The following DSC3 variants were observed in gnomAD, a reference collection of about 807,000 sequenced individuals.
The protein encoded by DSC3 is desmocollin-3.
In DSC3, 97 loss-of-function variants were observed where a neutral mutation model predicts 89.5. The ratio of observed to expected loss-of-function variants is 1.08; its 90% CI spans 0.92 to 1.28. The LOEUF (loss-of-function observed/expected upper bound fraction) is 1.28. Among genes scored for constraint, DSC3 ranks in the 50% most tolerant of loss-of-function variants. The pLI, the probability that DSC3 is intolerant of heterozygous loss-of-function variation, is 0.00. For missense variants in DSC3, 1,199 were observed against 1,085.3 expected, an observed-to-expected ratio of 1.10 and a Z score of -1.47; for synonymous variants, 436 against 384.1, an observed-to-expected ratio of 1.14 and a Z score of -1.58.
chr18:31,013,756 C>T, intron 9 of DSC3, among the ~76,000 whole-genome samples: 1 of 151,984 alleles, frequency 6.6e-6, no homozygotes, highest in East Asian at 1.9e-4. Flanking sequence ...ATATAGTTGG[C>T]AATTATTTTA....
chr18:31,006,816 A>C, intron 12 of DSC3, 91 bp downstream of exon 12: 1 of 1,030,504 alleles, frequency 9.7e-7, no homozygotes, highest in Non-Finnish European at 1.5e-6. Flanking sequence ...ACTCAGTTTT[A>C]CTTCATGCTT....
In DSC3 at chr18:31,008,161, G is replaced by C. The variant is rs755471083; in HGVS notation, c.1521-3C>G. ...TAGGATCATGCAATTTTTTGTACCTGTTAATAAAAAAAAAATAGTCTTTAG... is the reference window on the plus strand; with the variant it reads ...TAGGATCATGCAATTTTTTGTACCTCTTAATAAAAAAAAAATAGTCTTTAG... On this transcript the variant is annotated splice_region_variant and splice_polypyrimidine_tract_variant and intron_variant, in intron 10 of 15. Transcript: ENST00000360428. 35 of 1,606,652 alleles carry C rather than the reference G, an allele frequency of 2.2e-5. No homozygotes were observed. Among genetic ancestry groups the C allele is most frequent in the Non-Finnish European group, 2.8e-5 (33 of 1,176,186 alleles).
rs75868333 is a variant in DSC3, at chr18:31,029,332, G to A, written c.474+177C>T. On this transcript the variant is annotated intron_variant, in intron 4 of 15. Coordinates refer to ENST00000360428, the MANE Select transcript of DSC3 (RefSeq NM_001941.5). ...AATAAAGATCATTCAATGGCTTTAG[G>A]GCCTTTCTCATATTATTAGGTTTTT... Among the ~76,000 whole-genome samples, 1,193 of 152,002 alleles carry A rather than the reference G, an allele frequency of 7.8e-3. 20 individuals are homozygous for A. Among genetic ancestry groups the A allele is most frequent in the African/African-American group, 0.028 (1,153 of 41,482 alleles).
At position 31,042,359 on chromosome 18, in the gene DSC3, A is replaced by G. The variant is rs144388417; in HGVS notation, c.69+233T>C. On this transcript the variant is annotated intron_variant, in intron 1 of 15. Coordinates refer to ENST00000360428, the MANE Select transcript of DSC3 (RefSeq NM_001941.5). ...AGCCTGAGCGCGACTCAGAATTCCA[A>G]CAATCGAACACCTTGTCTCAAAACA... Among the ~76,000 whole-genome samples the G allele has an allele frequency of 3.5e-4, 54 of 152,324 alleles. No homozygotes were observed. In the East Asian group the frequency reaches 9.9e-3, roughly 28 times the overall value.
At chr18:31,034,108 A>G (rs1985894511) in intron 1 of DSC3, among the ~76,000 whole-genome samples, 1 of 152,190 alleles carries the variant, frequency 6.6e-6, no homozygotes, top group African/African-American at 2.4e-5. Context: ...TACAGGCGTG[A>G]GCCACCGCGC....
At position 31,004,302 on chromosome 18, in the gene DSC3, A is replaced by G. The variant is rs115141451; in HGVS notation, c.1953T>C (p.Thr651=). Residue 651 remains threonine, a synonymous_variant, in exon 13 of 16, where the codon ACT becomes ACC. Coordinates refer to ENST00000360428, the MANE Select transcript of DSC3 (RefSeq NM_001941.5). ...AGFQEYTIPI[T]VKDRAGQAAT... is the part of the protein sequence containing the mutation. ...CAGCTTGGCCGGCCCTGTCTTTTAC[A>G]GTAATAGGAATGGTATATTCTTGAA... The G allele has an allele frequency of 2.6e-4, 423 of 1,614,058 alleles. 1 individual carries two copies. Among genetic ancestry groups the G allele is most frequent in the East Asian group, 1.5e-3 (69 of 44,868 alleles).
At chr18:31,041,976 C>T (rs889001912) in intron 1 of DSC3, among the ~76,000 whole-genome samples, 9 of 152,106 alleles carry the variant, frequency 5.9e-5, no homozygotes, top group Admixed American at 3.9e-4. Flanking sequence ...TTTCGCGCCC[C>T]CGGCACATCC....
chr18:30,996,255 T>C (rs1325034808), intron 15 of DSC3, among the ~76,000 whole-genome samples: 1 of 152,176 alleles, frequency 6.6e-6, no homozygotes, highest in Non-Finnish European at 1.5e-5. Context: ...TTTGAGGTGA[T>C]GCATATGTTA....
chr18:31,001,089 GTATATATA>G (rs67608580), intron 14 of DSC3, among the ~76,000 whole-genome samples: 5 of 126,046 alleles, frequency 4.0e-5, no homozygotes, highest in East Asian at 3.0e-4. Flanking sequence ...TTGTGTGTGT[GTATATATA>G]TATATATATA....
chr18:31,024,932 T>C (rs1985547800), intron 5 of DSC3, among the ~76,000 whole-genome samples: 1 of 152,152 alleles, frequency 6.6e-6, no homozygotes, highest in Admixed American at 6.6e-5. Context: ...CACATATTTG[T>C]AAGAATTTTT....
intron 9 of DSC3, among the ~76,000 whole-genome samples, chr18:31,017,414 T>G (rs543814987): frequency 1.3e-5 from 2 of 152,318 alleles, no homozygotes; most frequent in African/African-American, 4.8e-5. Flanking sequence ...CAATGATCCT[T>G]TTCAAACAGA....
At chr18:31,039,107 A>T (rs1378109137) in intron 1 of DSC3, among the ~76,000 whole-genome samples, 2 of 152,160 alleles carry the variant, frequency 1.3e-5, no homozygotes, top group Non-Finnish European at 2.9e-5. Flanking sequence ...CCATATTTTA[A>T]ATTAAAATAT....
At chr18:31,006,291 G>GTTATTATTATTATTATTA (rs1984836785) in intron 12 of DSC3, among the ~76,000 whole-genome samples, 1 of 107,750 alleles carries the variant, frequency 9.3e-6, no homozygotes, top group Non-Finnish European at 1.9e-5. Context: ...TCACCTCGCT[G>GTTATTATTATTATTATTA]GTATTATTAT....
rs202139208 is a variant in DSC3 at position 31,008,503 on chromosome 18, C to T, written c.1286G>A (p.Arg429His). ...VVKPLNYEEN[R>H]QVNLEIGVNN... Reference sequence around the variant, plus strand: ...TACTCCAATTTCCAGGTTCACTTGACGGTTTTCTTCATAATTCAGTGGCTT... The same window carrying T: ...TACTCCAATTTCCAGGTTCACTTGATGGTTTTCTTCATAATTCAGTGGCTT... Residue 429 changes from arginine (R) to histidine (H), a missense_variant, in exon 10 of 16, where the codon CGT (arginine) becomes CAT (histidine). Coordinates refer to ENST00000360428, the MANE Select transcript of DSC3 (RefSeq NM_001941.5). 3.3e-5 allele frequency: 53 copies of T among 1,614,092 alleles called. No homozygotes were observed. The highest frequency in any genetic ancestry group is 1.6e-4 in the Middle Eastern group (1 of 6,062).
intron 1 of DSC3, 113 bp downstream of exon 1, chr18:31,042,479 A>T: frequency 1.8e-6 from 2 of 1,111,886 alleles, no homozygotes; most frequent in South Asian, 1.3e-5. Flanking sequence ...CGCAGCATTG[A>T]TCTGAGCCGC....
At chr18:31,018,843 G>A (rs1985323796) in intron 7 of DSC3, 43 bp from the exon 8 acceptor site, 1 of 1,599,972 alleles carries the variant, frequency 6.3e-7, no homozygotes, top group Non-Finnish European at 8.5e-7. Flanking sequence ...AAAAATTTTT[G>A]GTAGATTTAT....
In DSC3 at chr18:31,006,370, A is replaced by C. The variant is rs187819267; in HGVS notation, c.1888+537T>G. On this transcript the variant is annotated intron_variant, in intron 12 of 15. Coordinates refer to ENST00000360428, the MANE Select transcript of DSC3 (RefSeq NM_001941.5). ...CTGGAGTGCAGTGGCACCATCTCTC[A>C]GCTCACTGCAACTTCCACCTACTGG... 2.0e-3 allele frequency among the ~76,000 whole-genome samples: 302 copies of C among 152,084 alleles called. 2 individuals are homozygous for C. The highest frequency in any genetic ancestry group is 7.0e-3 in the African/African-American group (291 of 41,478).
At position 31,006,292 on chromosome 18, in the gene DSC3, G is replaced by GTATTATTATTAT. The variant is rs138302615; in HGVS notation, c.1888+603_1888+614dup. On this transcript the variant is annotated intron_variant, in intron 12 of 15. Transcript: ENST00000360428. ...CTTCTGCTCTCTCCTCACCTCGCTG[G>GTATTATTATTAT]TATTATTATTATTATTATTATTTTG... is the stretch of plus-strand genomic sequence containing the variant. 4.0e-4 allele frequency among the ~76,000 whole-genome samples: 60 copies of GTATTATTATTAT among 149,860 alleles called. 1 individual carries two copies. Among genetic ancestry groups the GTATTATTATTAT allele is most frequent in the East Asian group, 1.4e-3 (7 of 5,004 alleles).
chr18:31,026,159 G>A (rs1417472832), intron 4 of DSC3, among the ~76,000 whole-genome samples: 2 of 152,064 alleles, frequency 1.3e-5, no homozygotes, highest in Non-Finnish European at 2.9e-5. Flanking sequence ...AAGCTATGAG[G>A]ATAAACAGGG....
Sources: gnomAD v4.1 joint callset for allele counts (sites outside exome capture counted in the v4.1 genomes callset) on GRCh38, gnomAD v4.1.1 for gene constraint, MANE v1.5 for transcripts, NCBI Gene and HGNC (gene_info 2026-07-23, HGNC 2026-07-21) for gene names.